Variants in SVIL observed in about 807,000 individuals in gnomAD.
SVIL encodes supervillin, also known as archvillin.
A neutral mutation model predicts 240.4 loss-of-function variants in SVIL; 101 were observed. The observed-to-expected ratio is 0.42, with a 90% CI of 0.36 to 0.50. The LOEUF (loss-of-function observed/expected upper bound fraction) is 0.50, where lower values mean the gene tolerates loss of function less well. Among genes scored for constraint, SVIL ranks in the 20% least tolerant of loss-of-function variants. The pLI, the probability that SVIL is intolerant of heterozygous loss-of-function variation, is 0.01. For missense variants in SVIL, 2,512 were observed against 2,818.7 expected, an observed-to-expected ratio of 0.89 and a Z score of 2.46; for synonymous variants, 999 against 1,100.0, an observed-to-expected ratio of 0.91 and a Z score of 1.82.
At chr10:29,637,242 T>C (rs922718587), upstream of SVIL, among the ~76,000 whole-genome samples, 3 of 152,150 alleles carry the variant, frequency 2.0e-5, no homozygotes, top group Admixed American at 1.3e-4. Flanking sequence ...CCCAGCACTT[T>C]GGTAGGCCGA....
intron 2 of SVIL, among the ~76,000 whole-genome samples, chr10:29,661,539 C>A (rs1000911495): frequency 1.3e-5 from 2 of 152,136 alleles, no homozygotes; most frequent in Non-Finnish European, 2.9e-5. Flanking sequence ...TCTCTTCTCT[C>A]CGGGGCTCTC....
intron 16 of SVIL, among the ~76,000 whole-genome samples, chr10:29,515,270 C>T (rs539803789): frequency 1.6e-4 from 24 of 152,232 alleles, no homozygotes; most frequent in Non-Finnish European, 2.8e-4. Context: ...AGAGCTAGTT[C>T]ATGGGCTTGG....
At chr10:29,567,398 C>A (rs1436725650) in intron 2 of SVIL, among the ~76,000 whole-genome samples, 1 of 152,294 alleles carries the variant, frequency 6.6e-6, no homozygotes, top group East Asian at 1.9e-4. Context: ...ATATGGGAGA[C>A]GAAGCCCCAT....
chr10:29,641,335 C>G (rs572430530), intron 3 of SVIL, among the ~76,000 whole-genome samples: 1 of 152,026 alleles, frequency 6.6e-6, no homozygotes, highest in African/African-American at 2.4e-5. Context: ...CTTTGGAAGG[C>G]GGAGGTGGGA....
chr10:29,691,613 C>A (rs1961517610), intron 1 of SVIL, among the ~76,000 whole-genome samples: 1 of 152,198 alleles, frequency 6.6e-6, no homozygotes, highest in African/African-American at 2.4e-5. Context: ...CTAATCCTGT[C>A]TCAGAGATCA....
At chr10:29,644,739 T>A (rs1441140497) in intron 3 of SVIL, among the ~76,000 whole-genome samples, 1 of 152,122 alleles carries the variant, frequency 6.6e-6, no homozygotes, top group Non-Finnish European at 1.5e-5. Flanking sequence ...TTACAATGTA[T>A]CTTTGGCTCC....
At position 29,480,763 on chromosome 10, in the gene SVIL, G is replaced by A; in HGVS notation, c.5151C>T (p.Ser1717=). The part of the protein sequence containing the change: ...VKAYDVTRMV[S]MPQTTAGTIL... ...TGGTGCCTGCTGTCGTCTGGGGCAT[G>A]GACACCATCCGTGTCACATCGTATG... Residue 1717 remains serine (S), a synonymous_variant, in exon 29 of 38, where the codon TCC becomes TCT. Transcript: ENST00000355867. The A allele has an allele frequency of 6.2e-7, 1 of 1,613,862 alleles. No homozygotes were observed. The highest frequency in any genetic ancestry group is 8.5e-7 in the Non-Finnish European group (1 of 1,180,002).
intron 17 of SVIL, among the ~76,000 whole-genome samples, chr10:29,502,098 C>T (rs1465293170): frequency 1.3e-5 from 2 of 152,156 alleles, no homozygotes; most frequent in Non-Finnish European, 2.9e-5. Context: ...AGCTCCCATT[C>T]GTTTGCCAGA....
chr10:29,521,751 C>T (rs1197983256), intron 16 of SVIL, among the ~76,000 whole-genome samples: 1 of 152,182 alleles, frequency 6.6e-6, no homozygotes, highest in Non-Finnish European at 1.5e-5. Flanking sequence ...ACTTCCAGTT[C>T]TCTGTATCTG....
intron 1 of SVIL, among the ~76,000 whole-genome samples, chr10:29,584,263 C>T (rs1349410804): frequency 6.6e-6 from 1 of 152,184 alleles, no homozygotes; most frequent in African/African-American, 2.4e-5. Context: ...GGTAAATGCG[C>T]CTGACAGCAA....
chr10:29,494,100 C>T (rs1411655593), intron 20 of SVIL, among the ~76,000 whole-genome samples: 1 of 151,986 alleles, frequency 6.6e-6, no homozygotes, highest in Non-Finnish European at 1.5e-5. Flanking sequence ...GAGTCCAGTT[C>T]AAGGCTACAG....
At chr10:29,639,469 CTTT>C (rs138064127), upstream of SVIL, among the ~76,000 whole-genome samples, 9 of 125,420 alleles carry the variant, frequency 7.2e-5, no homozygotes, top group Admixed American at 8.1e-5. Context: ...GCGCCTGGCC[CTTT>C]TTTTTTTTTT....
At chr10:29,543,645 G>C (rs762223776) in intron 6 of SVIL, among the ~76,000 whole-genome samples, 1 of 151,562 alleles carries the variant, frequency 6.6e-6, no homozygotes, top group Non-Finnish European at 1.5e-5. Flanking sequence ...CTGTTCTCTC[G>C]CACTCTCTCC....
intron 1 of SVIL, among the ~76,000 whole-genome samples, chr10:29,705,626 T>C (rs1962834918): frequency 6.6e-6 from 1 of 152,098 alleles, no homozygotes; most frequent in African/African-American, 2.4e-5. Context: ...TCCTAATGCT[T>C]TCCCTCCCCT....
chr10:29,461,542 G>GT (rs1327072821), intron 36 of SVIL, among the ~76,000 whole-genome samples: 3 of 151,632 alleles, frequency 2.0e-5, no homozygotes, highest in African/African-American at 7.3e-5. Flanking sequence ...CTCTCACATG[G>GT]TAAAAAAAAA....
intron 18 of SVIL, chr10:29,496,565 C>CT (rs1253906508): frequency 8.5e-6 from 3 of 354,406 alleles, no homozygotes; most frequent in Non-Finnish European, 1.7e-5. Context: ...ATGGCTCCCC[C>CT]TGCTGGCGGT....
At chr10:29,649,514 T>C (rs1198153923) in intron 3 of SVIL, among the ~76,000 whole-genome samples, 1 of 152,220 alleles carries the variant, frequency 6.6e-6, no homozygotes. Context: ...TCTAATTTCA[T>C]GCCAAGCCAG....
chr10:29,565,137 G>T (rs1464100742), intron 2 of SVIL, among the ~76,000 whole-genome samples: 1 of 151,990 alleles, frequency 6.6e-6, no homozygotes, highest in Non-Finnish European at 1.5e-5. Context: ...CTTACCTTGC[G>T]GTACAAATGC....
chr10:29,515,088 T>C (rs1168370696), intron 16 of SVIL, among the ~76,000 whole-genome samples: 4 of 152,254 alleles, frequency 2.6e-5, no homozygotes, highest in Non-Finnish European at 1.5e-5. Flanking sequence ...CCCCCCTTCA[T>C]TTCTGTTTTC....
Sources: gnomAD v4.1 joint callset for allele counts (sites outside exome capture counted in the v4.1 genomes callset) on GRCh38, gnomAD v4.1.1 for gene constraint, MANE v1.5 for transcripts, NCBI Gene and HGNC (gene_info 2026-07-23, HGNC 2026-07-21) for gene names.